Variants in VGLL4 observed in about 807,000 individuals in gnomAD.
VGLL4 encodes transcription cofactor vestigial-like protein 4.
Under a neutral mutation model 21.0 loss-of-function variants are expected in VGLL4, and 7 were observed. The observed-to-expected ratio is 0.33, with a 90% CI of 0.19 to 0.63. The LOEUF is 0.63. Ranked by LOEUF, VGLL4 falls within the 20% of genes least tolerant of loss-of-function variation. The pLI is 0.78. For missense variants in VGLL4, 394 were observed against 425.7 expected (o/e 0.93, Z 0.66); for synonymous variants, 222 against 173.2 (o/e 1.28, Z -2.21).
intron 2 of VGLL4, among the ~76,000 whole-genome samples, chr3:11,587,684 A>G (rs1290615197): frequency 3.3e-5 from 5 of 152,208 alleles, no homozygotes; most frequent in African/African-American, 7.2e-5. Context: ...ATTTCCACCC[A>G]AAAGAAATGT....
chr3:11,676,394 C>CAAAAAAAAA (rs1219773138), intron 2 of VGLL4, among the ~76,000 whole-genome samples: 2 of 54,326 alleles, frequency 3.7e-5, no homozygotes, highest in African/African-American at 1.2e-4. Flanking sequence ...GACTCTGTCT[C>CAAAAAAAAA]AAAAAAAAAA....
At chr3:11,665,573 G>A (rs2076109693) in intron 2 of VGLL4, among the ~76,000 whole-genome samples, 1 of 152,226 alleles carries the variant, frequency 6.6e-6, no homozygotes, top group African/African-American at 2.4e-5. Context: ...CAGCTGTGGG[G>A]GAAGAGGGCA....
intron 1 of VGLL4, among the ~76,000 whole-genome samples, chr3:11,616,187 C>T (rs192882239): frequency 3.0e-4 from 46 of 152,240 alleles, no homozygotes; most frequent in Admixed American, 1.4e-3. Flanking sequence ...GTGGTCTGCA[C>T]ACGCAGGGGA....
At position 11,571,671 on chromosome 3, in the gene VGLL4, A is replaced by T. The variant is rs144810438; in HGVS notation, c.273-6652T>A. Among the ~76,000 whole-genome samples the T allele has an allele frequency of 3.7e-3, 562 of 152,312 alleles. 5 individuals are homozygous for T. The highest frequency in any genetic ancestry group is 6.8e-3 in the Middle Eastern group (2 of 294). On this transcript the variant is annotated intron_variant, in intron 2 of 4. Coordinates refer to ENST00000430365, the MANE Select transcript of VGLL4 (RefSeq NM_001128219.3). ...AACAGGGTAAGACCCTGTCTCAGGA[A>T]ATAAAAATAAAATACTCCCCACAAA...
intron 2 of VGLL4, among the ~76,000 whole-genome samples, chr3:11,579,229 A>AC (rs1279880773): frequency 6.6e-6 from 1 of 151,876 alleles, no homozygotes; most frequent in Non-Finnish European, 1.5e-5. Flanking sequence ...AAAAAAAAAA[A>AC]AAAAACCAGA....
chr3:11,559,333 G>A lies in VGLL4; in HGVS notation c.618C>T (p.Ser206=), dbSNP rs201659732. The A allele has an allele frequency of 1.0e-3, 1,577 of 1,539,444 alleles. 3 individuals carry two copies. Among genetic ancestry groups the A allele is most frequent in the Admixed American group, 1.2e-3 (60 of 49,896 alleles). The change falls in exon 4 of 5, where the codon AGC becomes AGT. Residue 206 remains serine, a splice_region_variant and synonymous_variant. Transcript: ENST00000430365. ...GGTGAGGAGGCCCGGGACACTCACC[G>A]CTCGGTGGCCTCCGGTAGCTGGCAG... is the stretch of plus-strand genomic sequence containing the variant. The part of the protein sequence containing the change: ...PGPASYRRPP[S]AATTCDPVVE...
intron 2 of VGLL4, among the ~76,000 whole-genome samples, chr3:11,666,248 C>CAAAA (rs61052269): frequency 2.2e-5 from 2 of 91,552 alleles, no homozygotes; most frequent in South Asian, 3.5e-4. Context: ...GACTGCGCCT[C>CAAAA]AAAAAAAAAA....
chr3:11,671,182 C>A, intron 2 of VGLL4: 1 of 1,458,708 alleles, frequency 6.9e-7, no homozygotes, highest in South Asian at 1.3e-5. Context: ...CTTTTCTTTG[C>A]AATACTATTT....
intron 1 of VGLL4, among the ~76,000 whole-genome samples, chr3:11,709,372 G>A (rs181921082): frequency 3.3e-5 from 5 of 150,494 alleles, no homozygotes; most frequent in Non-Finnish European, 5.9e-5. Flanking sequence ...GAGAGGCGGA[G>A]GTTGCAGTGA....
chr3:11,619,828 C>T (rs2075231149), intron 1 of VGLL4, among the ~76,000 whole-genome samples: 1 of 152,208 alleles, frequency 6.6e-6, no homozygotes, highest in East Asian at 1.9e-4. Flanking sequence ...AAGGCATTAA[C>T]TCGAGTCTCC....
rs71044228 is a variant in VGLL4, at chr3:11,578,748, CTTT to C, written c.273-13732_273-13730del. On this transcript the variant is annotated intron_variant, in intron 2 of 4. Transcript: ENST00000430365. Reference sequence around the variant, plus strand: ...TTTTGAGGCATCTACTGTATATTTTCTTTTTTTTTTTTTTTTTTTGAGATGGAG... The same window carrying C: ...TTTTGAGGCATCTACTGTATATTTTCTTTTTTTTTTTTTTTTGAGATGGAG... 5.0e-4 allele frequency among the ~76,000 whole-genome samples: 52 copies of C among 104,708 alleles called. 1 individual carries two copies. The highest frequency in any genetic ancestry group is 4.4e-4 in the Non-Finnish European group (25 of 56,620). The allele number at this position is 104,708 out of a possible 152,430, so 68.7% of individuals were successfully genotyped here. A position where few individuals can be genotyped will look rare whatever the true frequency, so the allele number is the denominator to read the frequency against.
At chr3:11,591,441 G>A (rs926033370) in intron 2 of VGLL4, among the ~76,000 whole-genome samples, 9 of 152,244 alleles carry the variant, frequency 5.9e-5, no homozygotes, top group African/African-American at 2.2e-4. Context: ...ATTCTGTGTC[G>A]TCGTTTGGCC....
intron 2 of VGLL4, among the ~76,000 whole-genome samples, chr3:11,584,127 T>G (rs1273328196): frequency 6.6e-6 from 1 of 152,152 alleles, no homozygotes; most frequent in African/African-American, 2.4e-5. Context: ...ATACAGTAAA[T>G]AATGCTGAAA....
chr3:11,568,688 C>T lies in VGLL4; in HGVS notation c.273-3669G>A, dbSNP rs754257320. 6.5e-5 allele frequency: 101 copies of T among 1,551,764 alleles called. No homozygotes were observed. Among genetic ancestry groups the T allele is most frequent in the Admixed American group, 2.9e-4 (15 of 51,144 alleles). The stretch of plus-strand genomic sequence containing the variant: ...CCGCTCGCCCGGATGAATCACCTCC[C>T]GGCCACTGCTTCCCAGGCGTCATGT... On this transcript the variant is annotated intron_variant, in intron 2 of 4. Transcript: ENST00000430365. This position sits in a 1 kb window ranked among gnomAD's most constrained non-coding sequence, Gnocchi z 5.9.
At chr3:11,575,458 C>A (rs1469388748) in intron 2 of VGLL4, among the ~76,000 whole-genome samples, 1 of 152,170 alleles carries the variant, frequency 6.6e-6, no homozygotes, top group Non-Finnish European at 1.5e-5. Flanking sequence ...TGAGTCTGCC[C>A]CTCTCTCTCC....
At chr3:11,673,030 G>T (rs987393024) in intron 2 of VGLL4, among the ~76,000 whole-genome samples, 3 of 152,282 alleles carry the variant, frequency 2.0e-5, no homozygotes, top group Non-Finnish European at 4.4e-5. Flanking sequence ...CGGACTGGGG[G>T]TTCCACAAAC....
rs532052109 is a variant in VGLL4, at chr3:11,586,668, T to C, written c.272+15165A>G. ...AGGATTTCCATAGGTTATCTGCAAATATTATGCCATTTTACACGAGGGACT... is the reference window on the plus strand; with the variant it reads ...AGGATTTCCATAGGTTATCTGCAAACATTATGCCATTTTACACGAGGGACT... On this transcript the variant is annotated intron_variant, in intron 2 of 4. Coordinates refer to ENST00000430365, the MANE Select transcript of VGLL4 (RefSeq NM_001128219.3). Among the ~76,000 whole-genome samples the C allele has an allele frequency of 2.0e-5, 3 of 152,286 alleles. No homozygotes were observed. The South Asian group carries it at 6.2e-4, about 32-fold the overall frequency.
chr3:11,686,891 TTC>T (rs2076457126), intron 2 of VGLL4, among the ~76,000 whole-genome samples: 1 of 152,202 alleles, frequency 6.6e-6, no homozygotes, highest in Non-Finnish European at 1.5e-5. Context: ...TGTTGTTATC[TTC>T]TAATGAAGTA....
chr3:11,632,507 G>C (rs1227640447), intron 1 of VGLL4, among the ~76,000 whole-genome samples: 1 of 152,044 alleles, frequency 6.6e-6, no homozygotes, highest in Non-Finnish European at 1.5e-5. Context: ...ATAGTTAACA[G>C]ATCAAGGAAA....
Sources: gnomAD v4.1 joint callset for allele counts (sites outside exome capture counted in the v4.1 genomes callset) on GRCh38, gnomAD v4.1.1 for gene constraint, Gnocchi (gnomAD v3.1) non-coding constraint, MANE v1.5 for transcripts, NCBI Gene and HGNC (gene_info 2026-07-23, HGNC 2026-07-21) for gene names.